Variants in OARD1 observed in about 807,000 individuals in gnomAD.
The protein encoded by OARD1 is O-acyl-ADP-ribose deacylase 1, also known as ADP-ribose glycohydrolase OARD1.
OARD1 carries 19 observed loss-of-function variants against 19.7 expected under a neutral mutation model. That is an observed-to-expected ratio of 0.96 (90% CI 0.67 to 1.41). The LOEUF is 1.41. Among genes scored for constraint, OARD1 ranks in the 40% most tolerant of loss-of-function variants. The probability of loss-of-function intolerance (pLI) is 0.00; values close to 1 mark genes in which losing one functional copy is unlikely to be tolerated. For missense variants in OARD1, 190 were observed against 183.8 expected (o/e 1.03, Z -0.20); for synonymous variants, 70 against 61.8 (o/e 1.13, Z -0.62).
Position 41,067,399 on chromosome 6 carries a change from A to G in OARD1, c.395T>C (p.Val132Ala). 1 of 1,613,766 alleles carries G rather than the reference A, an allele frequency of 6.2e-7. No individual in the cohort carries two copies. The highest frequency in any genetic ancestry group is 8.5e-7 in the Non-Finnish European group (1 of 1,179,682). The part of the protein sequence containing the change: ...CGLDRLQWEN[V>A]SAMIEEVFEA... ...AAATACCTCCTCGATCATCGCAGAT[A>G]CATTTTCCCATTGCAGACGATCAAG... Residue 132 changes from valine to alanine, a missense_variant, in exon 6 of 6, where the codon GTA (valine) becomes GCA (alanine). By Grantham distance (64) the Val-to-Ala change is moderately conservative. Coordinates refer to ENST00000424266, the MANE Select transcript of OARD1 (RefSeq NM_001329686.2).
At chr6:41,068,441 T>A (rs1159048528) in intron 5 of OARD1, among the ~76,000 whole-genome samples, 1 of 152,202 alleles carries the variant, frequency 6.6e-6, no homozygotes, top group African/African-American at 2.4e-5. Context: ...CGCAAAGTAA[T>A]AGGTTTGGGA....
chr6:41,067,664 A>G (rs1283860044), intron 5 of OARD1, among the ~76,000 whole-genome samples: 1 of 152,268 alleles, frequency 6.6e-6, no homozygotes, highest in East Asian at 1.9e-4. Context: ...GCCTAATAAG[A>G]TACTACTTTC....
Position 41,070,092 on chromosome 6 carries a change from CGCCCATCTCTCTTCAGAACA to C in OARD1, c.207_226del (p.Val70IlefsTer18), listed in dbSNP as rs778332616. 2 of 1,589,286 alleles carry C rather than the reference CGCCCATCTCTCTTCAGAACA, an allele frequency of 1.3e-6. No individual in the cohort carries two copies. Among genetic ancestry groups the C allele is most frequent in the South Asian group, 2.2e-5 (2 of 90,312 alleles). Reference sequence around the variant, plus strand: ...CCATCTTACCAAGTAATATATATATCGCCCATCTCTCTTCAGAACAGCCACTTCTCCAGATTTCTTTTCTA... The same window carrying C: ...CCATCTTACCAAGTAATATATATATCGCCACTTCTCCAGATTTCTTTTCTA... On this transcript the variant is annotated frameshift_variant, in exon 4 of 6. Transcript: ENST00000424266. LOFTEE classifies it high-confidence loss of function.
chr6:41,068,744 A>G (rs990018180), intron 5 of OARD1, 97 bp downstream of exon 5: 11 of 692,008 alleles, frequency 1.6e-5, no homozygotes, highest in African/African-American at 5.6e-5. Flanking sequence ...CTTTAAATCT[A>G]TATTTTGGGT....
Position 41,071,613 on chromosome 6 carries a change from C to G in OARD1, c.22G>C (p.Asp8His), listed in dbSNP as rs1763399937. 1.2e-6 allele frequency: 2 copies of G among 1,613,446 alleles called. No homozygotes were observed. Among genetic ancestry groups the G allele is most frequent in the African/African-American group, 1.3e-5 (1 of 74,940 alleles). The change falls in exon 2 of 6, where the codon GAT becomes CAT. Residue 8 changes from aspartate (D) to histidine (H), a missense_variant. Physicochemically the swap from Asp to His is moderately conservative, Grantham distance 81. Coordinates refer to ENST00000424266, the MANE Select transcript of OARD1 (RefSeq NM_001329686.2). ...TTACGCACTCTGCTTCCTTCTGGAT[C>G]TTCATTAAGGCTGCTGGCCATGATA... The part of the protein sequence containing the change: MASSLNE[D>H]PEGSRITYVK...
intron 1 of OARD1, among the ~76,000 whole-genome samples, chr6:41,079,705 A>C (rs1298705812): frequency 6.6e-6 from 1 of 152,182 alleles, no homozygotes; most frequent in Non-Finnish European, 1.5e-5. Context: ...GAATTTATAC[A>C]CAGGTTACAT....
At chr6:41,082,816 A>G (rs1582026067) in intron 1 of OARD1, among the ~76,000 whole-genome samples, 2 of 152,186 alleles carry the variant, frequency 1.3e-5, no homozygotes, top group South Asian at 4.1e-4. Context: ...ATAGCATGAG[A>G]GAGTCAGGCT....
intron 1 of OARD1, chr6:41,093,193 GT>G: frequency 1.1e-6 from 1 of 927,420 alleles, no homozygotes; most frequent in Non-Finnish European, 1.6e-6. Flanking sequence ...AACAATTGAC[GT>G]TAGATACTTG....
chr6:41,088,410 G>GAC (rs1764105300), intron 1 of OARD1, among the ~76,000 whole-genome samples: 1 of 119,454 alleles, frequency 8.4e-6, no homozygotes, highest in South Asian at 2.5e-4. Context: ...GCCACAGAGC[G>GAC]ACACTCCGTC....
intron 1 of OARD1, chr6:41,091,530 A>G (rs143156329): frequency 6.2e-7 from 1 of 1,613,072 alleles, no homozygotes; most frequent in Non-Finnish European, 8.5e-7. Context: ...TCTTAAAGTT[A>G]CAGTCCCTGT....
At chr6:41,091,822 CT>C in intron 1 of OARD1, 1 of 1,000,302 alleles carries the variant, frequency 1.0e-6, no homozygotes, top group Non-Finnish European at 1.5e-6. Flanking sequence ...CGGTAATCTA[CT>C]TTGACAATAA....
rs1351533655 is a variant in OARD1, at chr6:41,097,306, T to G, written c.-42+407A>C. 3 of 1,565,492 alleles carry G rather than the reference T, an allele frequency of 1.9e-6. No homozygotes were observed. In the African/African-American group the frequency reaches 4.1e-5, roughly 21 times the overall value. On this transcript the variant is annotated intron_variant, in intron 1 of 4. Coordinates refer to the OARD1 transcript ENST00000480585. ...GGGATAAGTAGTGAGAGCCATGAGTTCCTGTTGCTTTTGCAAAGGACTTTA... is the reference window on the plus strand; with the variant it reads ...GGGATAAGTAGTGAGAGCCATGAGTGCCTGTTGCTTTTGCAAAGGACTTTA...
intron 1 of OARD1, chr6:41,079,233 T>C (rs550703418): frequency 1.4e-6 from 2 of 1,429,714 alleles, no homozygotes; most frequent in East Asian, 2.3e-5. Context: ...AATTGGTTGG[T>C]CTATTGCCCT....
upstream of OARD1, among the ~76,000 whole-genome samples, chr6:41,077,399 T>C (rs907260534): frequency 2.0e-5 from 3 of 152,214 alleles, no homozygotes; most frequent in African/African-American, 7.2e-5. Context: ...CTTTCCTGTC[T>C]CCCTGTATTC....
At chr6:41,084,255 T>C (rs761014837) in intron 1 of OARD1, 2 of 1,552,764 alleles carry the variant, frequency 1.3e-6, no homozygotes, top group Non-Finnish European at 1.7e-6. Flanking sequence ...AATAGATTAT[T>C]ACAACCTATT....
chr6:41,077,254 T>C (rs943820086), upstream of OARD1, among the ~76,000 whole-genome samples: 9 of 152,262 alleles, frequency 5.9e-5, 1 homozygote, highest in South Asian at 1.9e-3. Flanking sequence ...AGAAACAAAG[T>C]ATAATAATTT....
intron 1 of OARD1, among the ~76,000 whole-genome samples, chr6:41,078,426 G>T (rs913688751): frequency 1.3e-5 from 2 of 152,140 alleles, no homozygotes; most frequent in African/African-American, 4.8e-5. Context: ...CTACATTTTT[G>T]TTTATATATC....
rs958899529 is a variant in OARD1, at chr6:41,079,123, A to G, written c.-41-7448T>C. ...GTATACAGCAAACAGCAATAGTTCG[A>G]CAGAGCAGATTGTTGTCCAGGCAGG... is the stretch of plus-strand genomic sequence containing the variant. On this transcript the variant is annotated intron_variant, in intron 1 of 4. Transcript: ENST00000480585. 3.7e-6 allele frequency: 6 copies of G among 1,614,108 alleles called. No homozygotes were observed. Among genetic ancestry groups the G allele is most frequent in the Non-Finnish European group, 5.1e-6 (6 of 1,180,038 alleles).
At chr6:41,067,730 T>C (rs371026702) in intron 5 of OARD1, among the ~76,000 whole-genome samples, 4 of 152,204 alleles carry the variant, frequency 2.6e-5, no homozygotes, top group African/African-American at 7.2e-5. Flanking sequence ...TAGAGACTCA[T>C]TATCCCTCTA....
Sources: allele counts gnomAD v4.1 joint callset (sites outside exome capture counted in the v4.1 genomes callset), GRCh38; gene constraint gnomAD v4.1.1; transcripts MANE v1.5; gene names NCBI Gene and HGNC (gene_info 2026-07-23, HGNC 2026-07-21).